Variants in AGMO observed in about 807,000 individuals in gnomAD.
AGMO encodes the protein alkylglycerol monooxygenase, also known as glyceryl-ether monooxygenase.
Under a neutral mutation model 60.2 loss-of-function variants are expected in AGMO, and 75 were observed. That is an observed-to-expected ratio of 1.25 (90% CI 1.03 to 1.51). AGMO has a LOEUF of 1.51. Among genes scored for constraint, AGMO ranks in the 40% most tolerant of loss-of-function variants. The pLI, the probability that AGMO is intolerant of heterozygous loss-of-function variation, is 0.00. For synonymous variants in AGMO, 261 were observed against 177.1 expected, an observed-to-expected ratio of 1.47 and a Z score of -3.76; for missense variants, 763 against 525.5, an observed-to-expected ratio of 1.45 and a Z score of -4.42.
intron 3 of AGMO, among the ~76,000 whole-genome samples, chr7:15,443,644 T>C (rs1781623973): frequency 6.6e-6 from 1 of 152,154 alleles, no homozygotes; most frequent in African/African-American, 2.4e-5. Context: ...CCATGTGCAC[T>C]CAAAATCTAG....
chr7:15,144,550 A>C, the AGMO span, among the ~76,000 whole-genome samples: 1 of 152,224 alleles, frequency 6.6e-6, no homozygotes, highest in African/African-American at 2.4e-5. Flanking sequence ...GTGTACGTGT[A>C]TAGAGAATGG....
chr7:15,353,642 G>A (rs1246529686), intron 12 of AGMO, among the ~76,000 whole-genome samples: 2 of 152,190 alleles, frequency 1.3e-5, no homozygotes. Flanking sequence ...ATGTTCTGAT[G>A]ATTGCAGTAT....
the AGMO span, among the ~76,000 whole-genome samples, chr7:15,192,698 G>T: frequency 9.9e-5 from 15 of 152,214 alleles, no homozygotes; most frequent in African/African-American, 3.6e-4. Context: ...AGCATTAATT[G>T]TAACACACCC....
the AGMO span, among the ~76,000 whole-genome samples, chr7:15,134,627 A>G: frequency 1.3e-5 from 2 of 152,148 alleles, no homozygotes; most frequent in South Asian, 4.1e-4. Flanking sequence ...TCCAAAGTAC[A>G]TGATCTCTTT....
intron 5 of AGMO, 24 bp downstream of exon 5, chr7:15,418,534 T>A: frequency 6.9e-7 from 1 of 1,446,134 alleles, no homozygotes; most frequent in Non-Finnish European, 9.6e-7. Flanking sequence ...GTATAAAACT[T>A]ACAAAGATAA....
chr7:15,198,718 T>C (rs181945871), downstream of AGMO, among the ~76,000 whole-genome samples: 6 of 152,048 alleles, frequency 3.9e-5, no homozygotes, highest in Middle Eastern at 3.2e-3. Context: ...TCAAAGAGCC[T>C]TGAAGCTATT....
intron 12 of AGMO, among the ~76,000 whole-genome samples, chr7:15,321,501 G>A (rs1204581063): frequency 6.6e-6 from 1 of 152,080 alleles, no homozygotes; most frequent in African/African-American, 2.4e-5. Flanking sequence ...TAAGAATGGA[G>A]TTCTTGAGAA....
At chr7:15,278,009 G>A (rs1783848491) in intron 12 of AGMO, among the ~76,000 whole-genome samples, 1 of 152,150 alleles carries the variant, frequency 6.6e-6, no homozygotes, top group Non-Finnish European at 1.5e-5. Context: ...AGACAGAAAT[G>A]AGATCTGTTT....
At chr7:15,430,613 A>ACAACTGGTTTTTTTTTTAAAAAAAAC in intron 4 of AGMO, among the ~76,000 whole-genome samples, 1 of 143,544 alleles carries the variant, frequency 7.0e-6, no homozygotes, top group African/African-American at 2.6e-5. Flanking sequence ...TAAAAAAAAA[A>ACAACTGGTTTTTTTTTTAAAAAAAAC]AACAACTGGT....
intron 3 of AGMO, among the ~76,000 whole-genome samples, chr7:15,520,001 AC>A (rs199809753): frequency 1.3e-5 from 2 of 149,634 alleles, no homozygotes; most frequent in African/African-American, 2.5e-5. Flanking sequence ...AAAAAAAAGA[AC>A]CAAAAAAAAA....
At chr7:15,387,988 A>G (rs1017314873) in intron 8 of AGMO, among the ~76,000 whole-genome samples, 10 of 148,834 alleles carry the variant, frequency 6.7e-5, no homozygotes, top group Non-Finnish European at 1.2e-4. Context: ...GCTCACTACA[A>G]CCTCTGCCTC....
intron 12 of AGMO, among the ~76,000 whole-genome samples, chr7:15,221,516 C>G (rs980855173): frequency 1.3e-5 from 2 of 152,056 alleles, no homozygotes; most frequent in East Asian, 3.9e-4. Flanking sequence ...GACGTAATCC[C>G]CTTTCCTCCT....
intron 12 of AGMO, among the ~76,000 whole-genome samples, chr7:15,324,137 A>G (rs1781265728): frequency 6.6e-6 from 1 of 152,196 alleles, no homozygotes; most frequent in Non-Finnish European, 1.5e-5. Flanking sequence ...AATCATCAGT[A>G]TTACTCCAGC....
chr7:15,146,877 G>A, the AGMO span, among the ~76,000 whole-genome samples: 2 of 152,152 alleles, frequency 1.3e-5, no homozygotes, highest in African/African-American at 4.8e-5. Context: ...ACTATATTCA[G>A]TGAAATGTAA....
At chr7:15,446,212 A>G (rs529005530) in intron 3 of AGMO, among the ~76,000 whole-genome samples, 3 of 152,302 alleles carry the variant, frequency 2.0e-5, no homozygotes, top group South Asian at 2.1e-4. Flanking sequence ...TTGCAGTGCA[A>G]TGTGAATTTG....
At chr7:15,325,519 A>G (rs998107517) in intron 12 of AGMO, among the ~76,000 whole-genome samples, 3 of 152,166 alleles carry the variant, frequency 2.0e-5, no homozygotes, top group African/African-American at 7.2e-5. Flanking sequence ...CTAACTGGTG[A>G]AGAATAAAAC....
chr7:15,442,975 G>C (rs1781600386), intron 3 of AGMO, among the ~76,000 whole-genome samples: 1 of 152,222 alleles, frequency 6.6e-6, no homozygotes. Flanking sequence ...GGCTAGGGAG[G>C]TCAGAGGATG....
chr7:15,337,290 G>A (rs1781693657), intron 12 of AGMO, among the ~76,000 whole-genome samples: 1 of 152,104 alleles, frequency 6.6e-6, no homozygotes, highest in South Asian at 2.1e-4. Context: ...AAGGCCTTAA[G>A]CCAAGAATTA....
At chr7:15,130,007 G>T in the AGMO span, among the ~76,000 whole-genome samples, 1 of 152,046 alleles carries the variant, frequency 6.6e-6, no homozygotes. Context: ...AGAGTTGGGG[G>T]TCTAGGACAT....
Sources: gnomAD v4.1 joint callset for allele counts (sites outside exome capture counted in the v4.1 genomes callset) on GRCh38, gnomAD v4.1.1 for gene constraint, MANE v1.5 for transcripts, NCBI Gene and HGNC (gene_info 2026-07-23, HGNC 2026-07-21) for gene names.